The following ADCY9 variants were observed in gnomAD, a reference collection of about 807,000 sequenced individuals.
ADCY9 encodes adenylate cyclase type 9.
In ADCY9, 50 loss-of-function variants were observed where a neutral mutation model predicts 101.5. That is an observed-to-expected ratio of 0.49 (90% CI 0.39 to 0.62). The LOEUF (loss-of-function observed/expected upper bound fraction) is 0.62. Ranked by LOEUF, ADCY9 falls within the 20% of genes least tolerant of loss-of-function variation. The pLI is 0.00. For missense variants in ADCY9, 1,662 were observed against 1,800.4 expected (o/e 0.92, Z 1.39); for synonymous variants, 905 against 769.3 (o/e 1.18, Z -2.92).
chr16:4,050,071 G>A (rs1240784912), intron 2 of ADCY9, among the ~76,000 whole-genome samples: 2 of 152,062 alleles, frequency 1.3e-5, no homozygotes, highest in African/African-American at 2.4e-5. Flanking sequence ...CACTGTTGGG[G>A]GCCGAAGTGG....
intron 2 of ADCY9, among the ~76,000 whole-genome samples, chr16:4,043,522 A>C (rs1420799216): frequency 6.6e-6 from 1 of 151,282 alleles, no homozygotes; most frequent in Non-Finnish European, 1.5e-5. Context: ...AAAAATACAA[A>C]AATTAGCCAG....
At chr16:4,082,713 T>A (rs76152814) in intron 2 of ADCY9, among the ~76,000 whole-genome samples, 1 of 150,358 alleles carries the variant, frequency 6.7e-6, no homozygotes, top group African/African-American at 2.5e-5. Flanking sequence ...CACCCACGCA[T>A]GCACGCACAC....
intron 2 of ADCY9, among the ~76,000 whole-genome samples, chr16:4,017,518 C>T (rs535131365): frequency 7.3e-6 from 1 of 137,446 alleles, no homozygotes; most frequent in Non-Finnish European, 1.6e-5. Context: ...GTGATGCACG[C>T]CTGTAATCCC....
chr16:4,093,598 A>C (rs566407808), intron 2 of ADCY9, among the ~76,000 whole-genome samples: 1 of 152,120 alleles, frequency 6.6e-6, no homozygotes, highest in Admixed American at 6.5e-5. Flanking sequence ...CTCTACAAAA[A>C]ATACAAAAAT....
chr16:3,980,954 C>T (rs890378844), intron 7 of ADCY9, among the ~76,000 whole-genome samples: 2 of 152,138 alleles, frequency 1.3e-5, no homozygotes, highest in African/African-American at 2.4e-5. Flanking sequence ...AGGCAACGGG[C>T]GGGGCCTGGG....
At chr16:4,007,293 T>A (rs1022401762) in intron 3 of ADCY9, 75 bp downstream of exon 3, 6 of 1,342,000 alleles carry the variant, frequency 4.5e-6, no homozygotes, top group Admixed American at 5.4e-5. Context: ...TGGAGGCTGC[T>A]TATTATTTCA....
At chr16:3,974,974 G>T (rs1479200652) in intron 9 of ADCY9, among the ~76,000 whole-genome samples, 1 of 152,138 alleles carries the variant, frequency 6.6e-6, no homozygotes, top group Non-Finnish European at 1.5e-5. Flanking sequence ...GATGGGATTA[G>T]GGGCTCTGAG....
In ADCY9 at chr16:4,101,281, A is replaced by ATTTTTT. The variant is rs34733913; in HGVS notation, c.1693+12463_1693+12468dup. On this transcript the variant is annotated intron_variant, in intron 2 of 10. Transcript: ENST00000294016. The stretch of plus-strand genomic sequence containing the variant: ...GTCTAGTACAATATTTGTTCAGGTG[A>ATTTTTT]TTTTTTTTTTTTTTTTTGAGACAGA... 3.0e-3 allele frequency among the ~76,000 whole-genome samples: 412 copies of ATTTTTT among 135,488 alleles called. 12 individuals are homozygous for ATTTTTT. The highest frequency in any genetic ancestry group is 1.6e-3 in the Non-Finnish European group (103 of 64,516). 88.9% of individuals were successfully genotyped at this position (135,488 alleles called of 152,430 possible). A position where few individuals can be genotyped will look rare whatever the true frequency, so the allele number is the denominator to read the frequency against.
intron 2 of ADCY9, among the ~76,000 whole-genome samples, chr16:4,042,259 G>T (rs988023855): frequency 2.6e-5 from 4 of 152,134 alleles, no homozygotes; most frequent in African/African-American, 7.2e-5. Flanking sequence ...TAGAGACAGG[G>T]TTTTCCTATG....
chr16:4,075,547 C>A (rs375246518), intron 2 of ADCY9, among the ~76,000 whole-genome samples: 2 of 152,166 alleles, frequency 1.3e-5, no homozygotes, highest in African/African-American at 4.8e-5. Flanking sequence ...GATGTACTGG[C>A]AAGAAATGTA....
In ADCY9 at chr16:4,116,118, CCGT is replaced by C. The variant is rs1205651154; in HGVS notation, c.-475_-473del. ...GCCCCGGGCTGCGAGTGCGCGGAGC[CCGT>C]CGGCGCGGCCCGTCTAGTGGGGCCT... On this transcript the variant is annotated 5_prime_UTR_variant, in exon 1 of 11. Coordinates refer to ENST00000294016, the MANE Select transcript of ADCY9 (RefSeq NM_001116.4). The C allele has an allele frequency of 6.8e-6, 1 of 146,092 alleles. No homozygotes were observed. Among genetic ancestry groups the C allele is most frequent in the African/African-American group, 2.5e-5 (1 of 40,794 alleles). The allele number at this position is 146,092 out of a possible 1,614,324, so 9.0% of individuals were successfully genotyped here.
intron 2 of ADCY9, among the ~76,000 whole-genome samples, chr16:4,081,320 G>T (rs1364624276): frequency 6.6e-6 from 1 of 152,220 alleles, no homozygotes; most frequent in African/African-American, 2.4e-5. Flanking sequence ...TCCACCTCCT[G>T]CTGTCACCAT....
Position 4,115,809 on chromosome 16 carries a change from G to C in ADCY9, c.-163C>G. On this transcript the variant is annotated 5_prime_UTR_variant, in exon 1 of 11. Transcript: ENST00000294016. This position sits in a 1 kb window ranked among gnomAD's most constrained non-coding sequence, Gnocchi z 6.2. ...CCGCGCCGCGCGGCTTCTCCTCCTC[G>C]CGCGCTCGCCTCCTCCAGCTGCGGC... 1 of 400,932 alleles carries C rather than the reference G, an allele frequency of 2.5e-6. No homozygotes were observed. Among genetic ancestry groups the C allele is most frequent in the South Asian group, 1.2e-4 (1 of 8,348 alleles). 24.8% of individuals were successfully genotyped at this position (400,932 alleles called of 1,614,324 possible).
chr16:4,044,413 T>A (rs1454871432), intron 2 of ADCY9, among the ~76,000 whole-genome samples: 1 of 151,730 alleles, frequency 6.6e-6, no homozygotes, highest in Non-Finnish European at 1.5e-5. Context: ...AAGTAAATAA[T>A]AAAATTCTGT....
chr16:4,001,728 T>G (rs2056332027), intron 3 of ADCY9, among the ~76,000 whole-genome samples: 1 of 145,680 alleles, frequency 6.9e-6, no homozygotes, highest in Non-Finnish European at 1.5e-5. Context: ...TTTATAGTTT[T>G]TGTAGAGATG....
rs146557764 is a variant in ADCY9, at chr16:4,043,327, C to T, written c.1694-35769G>A. Among the ~76,000 whole-genome samples, 167 of 152,248 alleles carry T rather than the reference C, an allele frequency of 1.1e-3. 1 individual carries two copies. The highest frequency in any genetic ancestry group is 3.8e-3 in the African/African-American group (158 of 41,546). On this transcript the variant is annotated intron_variant, in intron 2 of 10. Coordinates refer to ENST00000294016, the MANE Select transcript of ADCY9 (RefSeq NM_001116.4). ...GTAAACATAAAGCATTATAACAAGA[C>T]AGAGGAATACACCACTGGAGCAAAA...
At chr16:3,990,443 G>A (rs2056234669) in intron 5 of ADCY9, among the ~76,000 whole-genome samples, 1 of 146,724 alleles carries the variant, frequency 6.8e-6, no homozygotes, top group Non-Finnish European at 1.5e-5. Context: ...TACAGCCTGG[G>A]TGACACAGCA....
chr16:4,094,897 G>A (rs41336654), intron 2 of ADCY9, among the ~76,000 whole-genome samples: 3,303 of 151,998 alleles, frequency 0.022, 59 homozygotes, highest in Admixed American at 0.042. Context: ...CCACATCAGG[G>A]ATTTTAAGAG....
intron 2 of ADCY9, among the ~76,000 whole-genome samples, chr16:4,056,067 G>C (rs1435312976): frequency 7.9e-5 from 12 of 152,270 alleles, no homozygotes; most frequent in Non-Finnish European, 1.5e-5. Flanking sequence ...CTCCCAGCCG[G>C]TGTTGTGCGA....
Sources: allele counts gnomAD v4.1 joint callset (sites outside exome capture counted in the v4.1 genomes callset), GRCh38; gene constraint gnomAD v4.1.1; non-coding constraint Gnocchi (gnomAD v3.1); transcripts MANE v1.5; gene names NCBI Gene and HGNC (gene_info 2026-07-23, HGNC 2026-07-21).